The following FGF12 variants were observed in gnomAD, a reference collection of about 807,000 sequenced individuals.
FGF12 encodes fibroblast growth factor 12B.
FGF12 carries 14 observed loss-of-function variants against 23.6 expected under a neutral mutation model. The ratio of observed to expected loss-of-function variants is 0.59; its 90% CI spans 0.39 to 0.93. The LOEUF (loss-of-function observed/expected upper bound fraction) is 0.93, where lower values mean the gene tolerates loss of function less well. Among genes scored for constraint, FGF12 ranks in the 40% least tolerant of loss-of-function variants. The pLI, the probability that FGF12 is intolerant of heterozygous loss-of-function variation, is 0.00. For missense variants in FGF12, 175 were observed against 217.8 expected, an observed-to-expected ratio of 0.80 and a Z score of 1.24; for synonymous variants, 62 against 77.3, an observed-to-expected ratio of 0.80 and a Z score of 1.04.
intron 4 of FGF12, among the ~76,000 whole-genome samples, chr3:192,258,166 T>C (rs1397985344): frequency 1.3e-5 from 2 of 152,030 alleles, no homozygotes; most frequent in Non-Finnish European, 2.9e-5. Context: ...AAATATAATT[T>C]AAAAGATAGG....
intron 3 of FGF12, among the ~76,000 whole-genome samples, chr3:192,339,911 A>G (rs1469553314): frequency 4.6e-5 from 7 of 152,220 alleles, no homozygotes; most frequent in Non-Finnish European, 7.3e-5. Flanking sequence ...GGTTATGACA[A>G]AAACACGTTA....
intron 2 of FGF12, among the ~76,000 whole-genome samples, chr3:192,596,237 A>G (rs1713849426): frequency 6.6e-6 from 1 of 151,646 alleles, no homozygotes; most frequent in African/African-American, 2.4e-5. Flanking sequence ...TATTGAAAAC[A>G]ATGAGTAATT....
chr3:192,139,854 G>A lies in FGF12; in HGVS notation c.*4155C>T, dbSNP rs1296156069. On this transcript the variant is annotated 3_prime_UTR_variant, in exon 6 of 6. Coordinates refer to ENST00000445105, the MANE Select transcript of FGF12 (RefSeq NM_004113.6). ...CCTGAAAAAGAAAGATCAGCATCTA[G>A]CATCCTTTTCCTATTCTTTCACCAC... The A allele has an allele frequency of 6.6e-6, 1 of 151,948 alleles. No homozygotes were observed. The highest frequency in any genetic ancestry group is 1.5e-5 in the Non-Finnish European group (1 of 67,902). 9.4% of individuals were successfully genotyped at this position (151,948 alleles called of 1,614,324 possible).
At chr3:192,482,110 C>T (rs1401088151) in intron 2 of FGF12, among the ~76,000 whole-genome samples, 2 of 152,120 alleles carry the variant, frequency 1.3e-5, no homozygotes, top group African/African-American at 4.8e-5. Flanking sequence ...GAACATTGCA[C>T]CTCATTATTG....
At chr3:192,217,286 C>A in intron 4 of FGF12, among the ~76,000 whole-genome samples, 1 of 152,208 alleles carries the variant, frequency 6.6e-6, no homozygotes, top group Non-Finnish European at 1.5e-5. Flanking sequence ...GCTATATGAG[C>A]GTCTGCTGTT....
intron 2 of FGF12, among the ~76,000 whole-genome samples, chr3:192,371,046 G>T (rs572417889): frequency 1.6e-4 from 24 of 152,246 alleles, no homozygotes; most frequent in African/African-American, 5.5e-4. Context: ...ACCTCACTGG[G>T]TTACAACTCC....
In FGF12 at chr3:192,358,170, G is replaced by C. The variant is rs1718560505; in HGVS notation, c.124+2258C>G. On this transcript the variant is annotated intron_variant, in intron 3 of 5. Transcript: ENST00000445105. Reference sequence around the variant, plus strand: ...TTTTTCTTAAATTAGATATATATGAGACATACAAAATTCCAGGGAGTTATT... The same window carrying C: ...TTTTTCTTAAATTAGATATATATGACACATACAAAATTCCAGGGAGTTATT... Among the ~76,000 whole-genome samples the C allele has an allele frequency of 2.0e-5, 3 of 151,816 alleles. No individual in the cohort carries two copies. In the South Asian group the frequency reaches 6.2e-4, roughly 32 times the overall value.
At chr3:192,703,962 C>T (rs1718385179) in intron 2 of FGF12, among the ~76,000 whole-genome samples, 1 of 152,174 alleles carries the variant, frequency 6.6e-6, no homozygotes, top group Non-Finnish European at 1.5e-5. Context: ...GTCTTTGCCT[C>T]CCAAAGCACT....
chr3:192,409,789 TG>T lies in FGF12; in HGVS notation c.14-49252del, dbSNP rs1721129558. Among the ~76,000 whole-genome samples, 1 of 151,888 alleles carries T rather than the reference TG, an allele frequency of 6.6e-6. No individual in the cohort carries two copies. Among genetic ancestry groups the T allele is most frequent in the African/African-American group, 2.4e-5 (1 of 41,376 alleles). On this transcript the variant is annotated intron_variant, in intron 2 of 5. Coordinates refer to ENST00000445105, the MANE Select transcript of FGF12 (RefSeq NM_004113.6). The surrounding 1 kb of genome is among the most constrained non-coding windows in gnomAD (Gnocchi z 4.8). ...CAGCCGAGGGCGCAACCCGGGCGCT[TG>T]GGGCCGGAGGCGGAATCAGGGGCCG...
chr3:192,512,835 A>AATAAATATATATATATATAT (rs35779279), intron 2 of FGF12, among the ~76,000 whole-genome samples: 11 of 76,756 alleles, frequency 1.4e-4, no homozygotes, highest in East Asian at 8.6e-4. Context: ...TACTCAAATA[A>AATAAATATATATATATATAT]ATATATATAT....
intron 4 of FGF12, among the ~76,000 whole-genome samples, chr3:192,292,970 G>A (rs1198789969): frequency 1.3e-5 from 2 of 151,766 alleles, no homozygotes; most frequent in Admixed American, 6.6e-5. Context: ...TTTAAGATGG[G>A]GGTCATGCTA....
At chr3:192,285,305 T>C (rs962391785) in intron 4 of FGF12, among the ~76,000 whole-genome samples, 2 of 152,074 alleles carry the variant, frequency 1.3e-5, no homozygotes. Context: ...TTATTTCTAA[T>C]TGGCCAAGCC....
chr3:192,686,357 T>C (rs569353602), intron 2 of FGF12, among the ~76,000 whole-genome samples: 4 of 151,882 alleles, frequency 2.6e-5, no homozygotes, highest in African/African-American at 9.7e-5. Flanking sequence ...GAGACTGAAA[T>C]GTAGGCTTGT....
intron 2 of FGF12, among the ~76,000 whole-genome samples, chr3:192,451,742 T>G (rs1347216685): frequency 6.6e-6 from 1 of 152,226 alleles, no homozygotes; most frequent in African/African-American, 2.4e-5. Context: ...TATGTAGTAA[T>G]GCATAGCTGT....
intron 4 of FGF12, among the ~76,000 whole-genome samples, chr3:192,315,031 A>G (rs1716156159): frequency 6.6e-6 from 1 of 152,220 alleles, no homozygotes; most frequent in Admixed American, 6.5e-5. Flanking sequence ...AGTGGCCTCA[A>G]AATAAAGTTC....
chr3:192,339,621 T>C (rs888280281), intron 3 of FGF12, among the ~76,000 whole-genome samples: 3 of 152,176 alleles, frequency 2.0e-5, no homozygotes, highest in Non-Finnish European at 4.4e-5. Flanking sequence ...AAAGCTTATC[T>C]TCCCACTTCT....
intron 2 of FGF12, among the ~76,000 whole-genome samples, chr3:192,401,525 G>T (rs1720760241): frequency 6.6e-6 from 1 of 152,140 alleles, no homozygotes; most frequent in Non-Finnish European, 1.5e-5. Context: ...GTACTGTATG[G>T]TACTTTGAGA....
intron 4 of FGF12, among the ~76,000 whole-genome samples, chr3:192,267,862 A>G (rs1306447430): frequency 2.6e-5 from 4 of 152,176 alleles, no homozygotes; most frequent in Non-Finnish European, 4.4e-5. Flanking sequence ...ATAATTTTGC[A>G]TCAAAAATCA....
chr3:192,324,466 G>A (rs551653508), intron 4 of FGF12, among the ~76,000 whole-genome samples: 3 of 152,316 alleles, frequency 2.0e-5, no homozygotes, highest in East Asian at 3.9e-4. Flanking sequence ...CTAACACTGA[G>A]TGTTGAGTAC....
Sources: allele counts gnomAD v4.1 joint callset (sites outside exome capture counted in the v4.1 genomes callset), GRCh38; gene constraint gnomAD v4.1.1; non-coding constraint Gnocchi (gnomAD v3.1); transcripts MANE v1.5; gene names NCBI Gene and HGNC (gene_info 2026-07-23, HGNC 2026-07-21).